SCAI: variants seen among roughly 807,000 people sequenced by gnomAD.
SCAI encodes protein SCAI.
In SCAI, 24 loss-of-function variants were observed where a neutral mutation model predicts 92.2. The observed-to-expected ratio is 0.26, with a 90% CI of 0.19 to 0.37. The LOEUF (loss-of-function observed/expected upper bound fraction) is 0.37, where lower values mean the gene tolerates loss of function less well. SCAI is among the 10% of genes least tolerant of loss of function. The probability of loss-of-function intolerance (pLI) is 1.00; values close to 1 mark genes in which losing one functional copy is unlikely to be tolerated. For synonymous variants in SCAI, 261 were observed against 258.6 expected (o/e 1.01, Z -0.09); for missense variants, 450 against 736.2 (o/e 0.61, Z 4.50).
chr9:125,038,173 A>G (rs963944483), intron 3 of SCAI, among the ~76,000 whole-genome samples: 6 of 152,028 alleles, frequency 3.9e-5, no homozygotes, highest in African/African-American at 9.7e-5. Flanking sequence ...GGGAGGATCA[A>G]TTGAGCCCAG....
chr9:125,070,402 T>C (rs2131161126), intron 2 of SCAI, among the ~76,000 whole-genome samples: 1 of 149,894 alleles, frequency 6.7e-6, no homozygotes, highest in South Asian at 2.2e-4. Flanking sequence ...ACAATCTTTT[T>C]TTTTTTTTTT....
At chr9:125,141,719 G>A (rs149604615) in intron 2 of SCAI, among the ~76,000 whole-genome samples, 2 of 152,236 alleles carry the variant, frequency 1.3e-5, no homozygotes, top group African/African-American at 4.8e-5. Flanking sequence ...TTAAGCTCTG[G>A]AGTCAGACTG....
At chr9:124,979,807 T>C (rs1831841952) in intron 14 of SCAI, among the ~76,000 whole-genome samples, 1 of 152,166 alleles carries the variant, frequency 6.6e-6, no homozygotes, top group Admixed American at 6.5e-5. Flanking sequence ...CCCAGCACTC[T>C]GGGAGGCCCA....
rs1831161204 is a variant in SCAI at position 124,947,313 on chromosome 9, A to T, written c.*5494T>A. ...AAGAATCTGCTGGTGTCTCAGTTTC[A>T]CATACTTAGGTTTTTCAGGTTATAT... is the stretch of plus-strand genomic sequence containing the variant. On this transcript the variant is annotated 3_prime_UTR_variant, in exon 18 of 18. Transcript: ENST00000336505. 6.6e-6 allele frequency: 1 copy of T among 152,214 alleles called. No homozygotes were observed. The highest frequency in any genetic ancestry group is 6.5e-5 in the Admixed American group (1 of 15,276). 9.4% of individuals were successfully genotyped at this position (152,214 alleles called of 1,614,324 possible).
At chr9:125,020,822 GA>G in intron 6 of SCAI, 53 bp from the exon 7 acceptor site, 1 of 789,224 alleles carries the variant, frequency 1.3e-6, no homozygotes, top group Admixed American at 2.9e-5. Flanking sequence ...AATGCTTTTT[GA>G]TTTTTTTAAT....
At chr9:125,099,244 T>C (rs374344360) in intron 2 of SCAI, among the ~76,000 whole-genome samples, 1 of 152,136 alleles carries the variant, frequency 6.6e-6, no homozygotes, top group Non-Finnish European at 1.5e-5. Context: ...CTAAGCATGA[T>C]GTAATTCCTA....
chr9:125,136,522 G>T lies in SCAI; in HGVS notation c.98+6111C>A, dbSNP rs185932555. Among the ~76,000 whole-genome samples, 609 of 142,550 alleles carry T rather than the reference G, an allele frequency of 4.3e-3. 4 individuals are homozygous for T. The highest frequency in any genetic ancestry group is 6.4e-3 in the Non-Finnish European group (431 of 66,888). The allele number at this position is 142,550 out of a possible 152,430, so 93.5% of individuals were successfully genotyped here. The stretch of plus-strand genomic sequence containing the variant: ...GTCGCCCAGGCTGGAGTGCAATGGC[G>T]TGGTCTCAGCTCACTGCAACCTCTG... On this transcript the variant is annotated intron_variant, in intron 2 of 17. Transcript: ENST00000336505.
intron 17 of SCAI, among the ~76,000 whole-genome samples, chr9:124,963,535 A>G (rs1175129852): frequency 6.6e-6 from 1 of 151,936 alleles, no homozygotes; most frequent in Non-Finnish European, 1.5e-5. Flanking sequence ...GGATCACTTG[A>G]GGCCAGGAGT....
intron 15 of SCAI, among the ~76,000 whole-genome samples, chr9:124,972,432 C>G (rs1421225100): frequency 6.6e-6 from 1 of 152,154 alleles, no homozygotes; most frequent in Non-Finnish European, 1.5e-5. Context: ...GAGTAAAATA[C>G]TGGACACTAA....
intron 14 of SCAI, among the ~76,000 whole-genome samples, chr9:124,987,313 C>T (rs1208920171): frequency 3.0e-5 from 4 of 135,328 alleles, no homozygotes; most frequent in African/African-American, 7.9e-5. Context: ...TAAGCCACTG[C>T]ACCTGGATGG....
In SCAI at chr9:124,951,527, A is replaced by C. The variant is rs1236374012; in HGVS notation, c.*1280T>G. On this transcript the variant is annotated 3_prime_UTR_variant, in exon 18 of 18. Coordinates refer to ENST00000336505, the MANE Select transcript of SCAI (RefSeq NM_001144877.3). ...TTTCAAAAAAAATAAATAAATTTAG[A>C]GTATAATTTACCTAGGGCCATGGGA... 4 of 152,140 alleles carry C rather than the reference A, an allele frequency of 2.6e-5. No individual in the cohort carries two copies. The highest frequency in any genetic ancestry group is 4.4e-5 in the Non-Finnish European group (3 of 68,034). The allele number at this position is 152,140 out of a possible 1,614,324, so 9.4% of individuals were successfully genotyped here.
intron 2 of SCAI, among the ~76,000 whole-genome samples, chr9:125,088,666 T>TG (rs1360635562): frequency 6.6e-6 from 1 of 152,208 alleles, no homozygotes; most frequent in Non-Finnish European, 1.5e-5. Flanking sequence ...TTTGTAGAGA[T>TG]GGGGTCTCGC....
At chr9:125,013,289 T>A (rs1323073732) in intron 9 of SCAI, among the ~76,000 whole-genome samples, 1 of 151,894 alleles carries the variant, frequency 6.6e-6, no homozygotes, top group Non-Finnish European at 1.5e-5. Flanking sequence ...CTAGCAAGAC[T>A]AATAAAGAAG....
intron 14 of SCAI, among the ~76,000 whole-genome samples, chr9:124,977,715 A>C (rs1831789906): frequency 6.6e-6 from 1 of 152,096 alleles, no homozygotes; most frequent in South Asian, 2.1e-4. Flanking sequence ...CAGAAGAAAA[A>C]CGTCAGTAAT....
At chr9:124,962,170 T>TGGG (rs749569768) in intron 17 of SCAI, among the ~76,000 whole-genome samples, 16 of 84,112 alleles carry the variant, frequency 1.9e-4, no homozygotes, top group African/African-American at 7.5e-4. Flanking sequence ...TTTTTTTTTT[T>TGGG]GCGGGGGGGG....
intron 2 of SCAI, among the ~76,000 whole-genome samples, chr9:125,137,340 T>C (rs1448204931): frequency 1.3e-5 from 2 of 152,218 alleles, no homozygotes; most frequent in African/African-American, 4.8e-5. Context: ...AACCTGATGC[T>C]TACTTAAATT....
intron 3 of SCAI, among the ~76,000 whole-genome samples, chr9:125,031,040 T>C (rs1376389349): frequency 6.9e-6 from 1 of 144,870 alleles, no homozygotes; most frequent in Non-Finnish European, 1.5e-5. Context: ...TAGATGGAGA[T>C]GGCCCCAAGT....
intron 2 of SCAI, among the ~76,000 whole-genome samples, chr9:125,117,271 C>T (rs1835064130): frequency 6.6e-6 from 1 of 152,168 alleles, no homozygotes; most frequent in African/African-American, 2.4e-5. Context: ...TATATTCTTT[C>T]ATACTGAAAA....
intron 3 of SCAI, among the ~76,000 whole-genome samples, chr9:125,033,180 A>G (rs1833118556): frequency 6.6e-6 from 1 of 152,086 alleles, no homozygotes; most frequent in Non-Finnish European, 1.5e-5. Flanking sequence ...CCTGGGCAAC[A>G]CAGCAAGACT....
Sources: allele counts gnomAD v4.1 joint callset (sites outside exome capture counted in the v4.1 genomes callset), GRCh38; gene constraint gnomAD v4.1.1; transcripts MANE v1.5; gene names NCBI Gene and HGNC (gene_info 2026-07-23, HGNC 2026-07-21).